BAHD1: variants seen among roughly 807,000 people sequenced by gnomAD.
BAHD1 encodes bromo adjacent homology domain-containing 1 protein.
In BAHD1, 20 loss-of-function variants were observed where a neutral mutation model predicts 63.1. The ratio of observed to expected loss-of-function variants is 0.32; its 90% CI spans 0.22 to 0.46. The LOEUF (loss-of-function observed/expected upper bound fraction) is 0.46. Among genes scored for constraint, BAHD1 ranks in the 20% least tolerant of loss-of-function variants. The probability of loss-of-function intolerance (pLI) is 1.00; values close to 1 mark genes in which losing one functional copy is unlikely to be tolerated. For synonymous variants in BAHD1, 408 were observed against 426.8 expected, an observed-to-expected ratio of 0.96 and a Z score of 0.54; for missense variants, 939 against 1,071.8, an observed-to-expected ratio of 0.88 and a Z score of 1.73.
chr15:40,451,145 C>CAAAA (rs397827665), intron 1 of BAHD1, among the ~76,000 whole-genome samples: 5 of 30,616 alleles, frequency 1.6e-4, no homozygotes, highest in Admixed American at 8.0e-4. Flanking sequence ...AACTCCATCT[C>CAAAA]AAAAAAAAAA....
chr15:40,465,479 C>G, intron 6 of BAHD1, 44 bp downstream of exon 6: 1 of 1,475,612 alleles, frequency 6.8e-7, no homozygotes, highest in Non-Finnish European at 9.5e-7. Flanking sequence ...TTCCCTCAGG[C>G]TCCCCAGGCA....
intron 1 of BAHD1, chr15:40,443,142 C>A (rs1470144060): frequency 2.5e-6 from 1 of 403,672 alleles, no homozygotes; most frequent in East Asian, 1.6e-4. Context: ...CGAGTCCCAC[C>A]TCAGGTAGGG....
chr15:40,449,005 G>C (rs1163681139), intron 1 of BAHD1, among the ~76,000 whole-genome samples: 4 of 151,776 alleles, frequency 2.6e-5, no homozygotes, highest in Non-Finnish European at 4.4e-5. Flanking sequence ...GCTAATTTTT[G>C]TATTTTCTCC....
In BAHD1 at chr15:40,462,158, G is replaced by A; in HGVS notation, c.1679G>A (p.Arg560Lys). The A allele has an allele frequency of 6.2e-7, 1 of 1,612,150 alleles. No individual in the cohort carries two copies. Among genetic ancestry groups the A allele is most frequent in the Non-Finnish European group, 8.5e-7 (1 of 1,179,960 alleles). Residue 560 changes from arginine to lysine, a missense_variant, in exon 3 of 7, where the codon AGG becomes AAG. By Grantham distance (26) the Arg-to-Lys change is conservative. Around this residue, in one of 5 missense-constraint regions of BAHD1, gnomAD observed 797 missense variants for 813.3 expected, o/e 0.98. Coordinates refer to ENST00000416165, the MANE Select transcript of BAHD1 (RefSeq NM_014952.5). ...GGCTCCAGCTGCAGGCACACTGCAA[G>A]GAGCAAGGCTGCCCGCAGGCCTAGC... Reference protein sequence around the residue: ...RTGSSCRHTARSKAARRPSHP... With the variant: ...RTGSSCRHTAKSKAARRPSHP...
intron 1 of BAHD1, among the ~76,000 whole-genome samples, chr15:40,455,665 C>T (rs904798257): frequency 2.6e-5 from 4 of 152,246 alleles, no homozygotes; most frequent in African/African-American, 9.6e-5. Context: ...TTACTCTGTA[C>T]TGTGTCCTTA....
At chr15:40,442,699 T>C (rs1465642373) in intron 1 of BAHD1, among the ~76,000 whole-genome samples, 1 of 152,202 alleles carries the variant, frequency 6.6e-6, no homozygotes, top group Non-Finnish European at 1.5e-5. Flanking sequence ...GCACTTTTCC[T>C]TAGCCACAAA....
In BAHD1 at chr15:40,459,815, A is replaced by G. The variant is rs746521906; in HGVS notation, c.1351A>G (p.Ile451Val). The G allele has an allele frequency of 2.5e-6, 4 of 1,613,122 alleles. No individual in the cohort carries two copies. Among genetic ancestry groups the G allele is most frequent in the Non-Finnish European group, 3.4e-6 (4 of 1,179,782 alleles). The part of the protein sequence containing the change: ...SEDTGVNGYS[I>V]CGVLPLSVTH... ...GGACACTGGAGTGAATGGCTACAGC[A>G]TCTGCGGAGTGTTGCCCCTGTCTGT... Residue 451 changes from isoleucine to valine, a missense_variant, in exon 2 of 7, where the codon ATC (isoleucine) becomes GTC (valine). Physicochemically the swap from Ile to Val is conservative, Grantham distance 29. Transcript: ENST00000416165.
Position 40,441,070 on chromosome 15 carries a change from G to A in BAHD1, c.-213G>A, listed in dbSNP as rs1893384079. ...CCCGCCGTCCGCCCGCCCCGGCCAGGCGCGCCCGCCCCCCCCGACGGCCCC... is the reference window on the plus strand; with the variant it reads ...CCCGCCGTCCGCCCGCCCCGGCCAGACGCGCCCGCCCCCCCCGACGGCCCC... On this transcript the variant is annotated 5_prime_UTR_variant, in exon 1 of 7. Transcript: ENST00000416165. The A allele has an allele frequency of 1.4e-5, 2 of 145,530 alleles. No individual in the cohort carries two copies. The highest frequency in any genetic ancestry group is 1.4e-4 in the Admixed American group (2 of 14,654). 9.0% of individuals were successfully genotyped at this position (145,530 alleles called of 1,614,324 possible). A position where few individuals can be genotyped will look rare whatever the true frequency, so the allele number is the denominator to read the frequency against.
Position 40,459,595 on chromosome 15 carries a change from C to G in BAHD1, c.1131C>G (p.Gly377=). The G allele has an allele frequency of 6.2e-7, 1 of 1,614,210 alleles. No individual in the cohort carries two copies. Among genetic ancestry groups the G allele is most frequent in the Non-Finnish European group, 8.5e-7 (1 of 1,180,038 alleles). Residue 377 remains glycine (G), a synonymous_variant, in exon 2 of 7, where the codon GGC becomes GGG. Coordinates refer to ENST00000416165, the MANE Select transcript of BAHD1 (RefSeq NM_014952.5). ...LCVGPELTAL[G]SFYLYCGQEG... The stretch of plus-strand genomic sequence containing the variant: ...TTGGGCCTGAGCTCACTGCACTAGG[C>G]AGCTTCTACCTGTACTGTGGCCAAG...
At chr15:40,447,760 T>C (rs1356399312) in intron 1 of BAHD1, among the ~76,000 whole-genome samples, 2 of 152,168 alleles carry the variant, frequency 1.3e-5, no homozygotes, top group African/African-American at 2.4e-5. Context: ...GACCAGTTTT[T>C]AGTCTTCATT....
In BAHD1 at chr15:40,450,733, G is replaced by C. The variant is rs537556877; in HGVS notation, c.-14-7718G>C. 7.9e-5 allele frequency among the ~76,000 whole-genome samples: 12 copies of C among 152,340 alleles called. No individual in the cohort carries two copies. In the East Asian group the frequency reaches 2.3e-3, roughly 29 times the overall value. ...GGCATCTGGATGGGAGGGTCTGAGGGAGCCTTAGCCCAGAGTTAAGGGGTG... is the reference window on the plus strand; with the variant it reads ...GGCATCTGGATGGGAGGGTCTGAGGCAGCCTTAGCCCAGAGTTAAGGGGTG... On this transcript the variant is annotated intron_variant, in intron 1 of 6. Transcript: ENST00000416165.
At chr15:40,437,962 C>T (rs947244226), upstream of BAHD1, among the ~76,000 whole-genome samples, 2 of 152,174 alleles carry the variant, frequency 1.3e-5, no homozygotes, top group East Asian at 1.9e-4. Flanking sequence ...TAACCCTTCC[C>T]GATGGGTCTG....
chr15:40,444,730 C>T (rs903610334), intron 1 of BAHD1, among the ~76,000 whole-genome samples: 1 of 152,190 alleles, frequency 6.6e-6, no homozygotes, highest in Non-Finnish European at 1.5e-5. Flanking sequence ...CCTGCTCTCT[C>T]AGGCTTCTGT....
In BAHD1 at chr15:40,462,114, T is replaced by A. The variant is rs765265861; in HGVS notation, c.1635T>A (p.Ser545=). The change falls in exon 3 of 7, where the codon TCT becomes TCA. Residue 545 remains serine, a synonymous_variant. Transcript: ENST00000416165. ...AGAGCGCCAAACCTCCCAGCGGTTC[T>A]AAGTCAGGTCTGCGCACAGGCTCCA... ...CPQSAKPPSG[S]KSGLRTGSSC... The A allele has an allele frequency of 2.2e-5, 36 of 1,613,046 alleles. No individual in the cohort carries two copies. Among genetic ancestry groups the A allele is most frequent in the Non-Finnish European group, 3.0e-5 (35 of 1,179,984 alleles).
intron 2 of BAHD1, among the ~76,000 whole-genome samples, chr15:40,460,358 C>A (rs1312116297): frequency 1.3e-5 from 2 of 152,158 alleles, no homozygotes; most frequent in Non-Finnish European, 2.9e-5. Context: ...GTTCAGCATT[C>A]ATGGGAAAGG....
chr15:40,456,922 T>A (rs941132757), intron 1 of BAHD1, among the ~76,000 whole-genome samples: 3 of 152,166 alleles, frequency 2.0e-5, no homozygotes, highest in Non-Finnish European at 4.4e-5. Flanking sequence ...AGCTCCGTAG[T>A]CTCTGACCAC....
At chr15:40,448,678 A>G (rs1030223867) in intron 1 of BAHD1, among the ~76,000 whole-genome samples, 3 of 152,182 alleles carry the variant, frequency 2.0e-5, no homozygotes, top group African/African-American at 7.2e-5. Flanking sequence ...CTGGGACTAC[A>G]GGCACACACC....
chr15:40,468,059 T>C lies in BAHD1; in HGVS notation c.*1929T>C, dbSNP rs1208079868. On this transcript the variant is annotated 3_prime_UTR_variant, in exon 7 of 7. Transcript: ENST00000416165. ...GGAAGCATAATCCATGTAAAATATATTTTAGTTGATATTTTGTAAAATGCA... is the reference window on the plus strand; with the variant it reads ...GGAAGCATAATCCATGTAAAATATACTTTAGTTGATATTTTGTAAAATGCA... 6.6e-6 allele frequency: 1 copy of C among 152,648 alleles called. No individual in the cohort carries two copies. The highest frequency in any genetic ancestry group is 1.5e-5 in the Non-Finnish European group (1 of 68,030). 9.5% of individuals were successfully genotyped at this position (152,648 alleles called of 1,614,324 possible). A position where few individuals can be genotyped will look rare whatever the true frequency, so the allele number is the denominator to read the frequency against.
At chr15:40,460,041 G>C (rs983182054) in intron 2 of BAHD1, 145 bp downstream of exon 2, 2 of 1,076,720 alleles carry the variant, frequency 1.9e-6, no homozygotes, top group East Asian at 2.7e-5. Flanking sequence ...GAGAACTCCC[G>C]TAGTCTGTGC....
Sources: gnomAD v4.1 joint callset for allele counts (sites outside exome capture counted in the v4.1 genomes callset) on GRCh38, gnomAD v4.1.1 for gene constraint, gnomAD v4.1.1 regional missense constraint, MANE v1.5 for transcripts, NCBI Gene and HGNC (gene_info 2026-07-23, HGNC 2026-07-21) for gene names.